The following RAB27B variants were observed in gnomAD, a reference collection of about 807,000 sequenced individuals.
RAB27B encodes the protein RAB27B, member RAS oncogene family.
Under a neutral mutation model 24.6 loss-of-function variants are expected in RAB27B, and 15 were observed. That is an observed-to-expected ratio of 0.61 (90% CI 0.41 to 0.94). The LOEUF is 0.94. Among genes scored for constraint, RAB27B ranks in the 40% least tolerant of loss-of-function variants. The pLI is 0.00. For synonymous variants in RAB27B, 105 were observed against 92.5 expected (o/e 1.14, Z -0.78); for missense variants, 261 against 266.8 (o/e 0.98, Z 0.15).
intron 2 of RAB27B, among the ~76,000 whole-genome samples, chr18:54,777,896 C>T (rs951131278): frequency 1.3e-5 from 2 of 148,970 alleles, no homozygotes; most frequent in African/African-American, 4.9e-5. Context: ...TCTCTTCTTC[C>T]TTTGCTCTTA....
At chr18:54,763,742 CCTTA>C (rs756410153) in intron 2 of RAB27B, among the ~76,000 whole-genome samples, 13 of 152,110 alleles carry the variant, frequency 8.5e-5, no homozygotes, top group Non-Finnish European at 1.3e-4. Context: ...AATCCCTGTG[CCTTA>C]CTTGTTTCTC....
chr18:54,731,574 G>A (rs963703046), intron 2 of RAB27B, among the ~76,000 whole-genome samples: 4 of 152,166 alleles, frequency 2.6e-5, no homozygotes, highest in East Asian at 1.9e-4. Flanking sequence ...TACAAAATTA[G>A]CCAGGTGTGG....
intron 2 of RAB27B, among the ~76,000 whole-genome samples, chr18:54,789,442 ATAT>A (rs1909184277): frequency 6.6e-6 from 1 of 152,134 alleles, no homozygotes. Flanking sequence ...TGTTTAGATA[ATAT>A]TGTCCCAATA....
At chr18:54,872,483 G>A (rs1912512188) in intron 1 of RAB27B, among the ~76,000 whole-genome samples, 1 of 151,956 alleles carries the variant, frequency 6.6e-6, no homozygotes, top group Non-Finnish European at 1.5e-5. Flanking sequence ...AAATTAGCCA[G>A]GCATGGTGGT....
chr18:54,734,827 C>A (rs1290234131), intron 2 of RAB27B, among the ~76,000 whole-genome samples: 4 of 152,244 alleles, frequency 2.6e-5, no homozygotes, highest in Middle Eastern at 3.4e-3. Context: ...GAACAAATTT[C>A]TCAAGTGCCC....
intron 2 of RAB27B, among the ~76,000 whole-genome samples, chr18:54,815,807 A>G (rs994833739): frequency 6.6e-6 from 1 of 152,178 alleles, no homozygotes; most frequent in South Asian, 2.1e-4. Context: ...TATTTTTAGT[A>G]TAGACGGGGT....
At chr18:54,791,758 A>AT (rs1389797783) in intron 2 of RAB27B, among the ~76,000 whole-genome samples, 3 of 152,222 alleles carry the variant, frequency 2.0e-5, no homozygotes, top group Non-Finnish European at 4.4e-5. Context: ...CAAGAGGAGC[A>AT]TATCAGCAGA....
intron 2 of RAB27B, among the ~76,000 whole-genome samples, chr18:54,767,967 A>G (rs998333409): frequency 7.2e-5 from 11 of 152,156 alleles, no homozygotes; most frequent in African/African-American, 2.7e-4. Flanking sequence ...ATAGTAATAA[A>G]TAAGAGATAG....
chr18:54,882,329 G>A (rs921737973), intron 3 of RAB27B, among the ~76,000 whole-genome samples: 12 of 151,952 alleles, frequency 7.9e-5, no homozygotes, highest in Non-Finnish European at 1.6e-4. Context: ...CAAATATTTA[G>A]TGAGCAAATA....
At chr18:54,723,159 G>C (rs1909414967) in intron 2 of RAB27B, among the ~76,000 whole-genome samples, 1 of 152,222 alleles carries the variant, frequency 6.6e-6, no homozygotes, top group South Asian at 2.1e-4. Context: ...AACCAGGAAA[G>C]AGCAAAGGCT....
intron 1 of RAB27B, among the ~76,000 whole-genome samples, chr18:54,867,462 T>TTC (rs1912285345): frequency 6.8e-6 from 1 of 148,016 alleles, no homozygotes; most frequent in African/African-American, 2.5e-5. Flanking sequence ...TTTTTTTTTT[T>TTC]CTGAGATGGA....
intron 2 of RAB27B, among the ~76,000 whole-genome samples, chr18:54,729,426 T>TAG (rs1291622631): frequency 6.6e-6 from 1 of 152,178 alleles, no homozygotes; most frequent in Non-Finnish European, 1.5e-5. Context: ...GAAAGGAGCC[T>TAG]ACATCCTCAA....
At chr18:54,761,650 C>T (rs1194736808) in intron 2 of RAB27B, among the ~76,000 whole-genome samples, 1 of 152,196 alleles carries the variant, frequency 6.6e-6, no homozygotes, top group African/African-American at 2.4e-5. Context: ...CAATGCTTCT[C>T]TTATTTCTAA....
At chr18:54,855,494 G>A (rs1020777348) in intron 1 of RAB27B, among the ~76,000 whole-genome samples, 8 of 152,186 alleles carry the variant, frequency 5.3e-5, no homozygotes, top group Non-Finnish European at 1.2e-4. Flanking sequence ...AGCAGCCTTG[G>A]ATACAAGATA....
intron 2 of RAB27B, among the ~76,000 whole-genome samples, chr18:54,725,488 A>G (rs1909504007): frequency 6.6e-6 from 1 of 151,510 alleles, no homozygotes; most frequent in African/African-American, 2.4e-5. Context: ...TTAAAAGGTA[A>G]TGTTTGTTGC....
chr18:54,751,077 C>T lies in RAB27B; in HGVS notation c.-20+32936C>T, dbSNP rs1907815264. Among the ~76,000 whole-genome samples the T allele has an allele frequency of 1.3e-5, 2 of 152,164 alleles. 1 individual carries two copies. The highest frequency in any genetic ancestry group is 4.1e-4 in the South Asian group (2 of 4,826). On this transcript the variant is annotated intron_variant, in intron 2 of 4. Coordinates refer to the RAB27B transcript ENST00000586570. The stretch of plus-strand genomic sequence containing the variant: ...AGGACTTTATCCTGCCCTCGAGAGA[C>T]ACTGAAGTTAAGAGGGCAGTCAGAC...
At chr18:54,775,230 A>G (rs1415557597) in intron 2 of RAB27B, among the ~76,000 whole-genome samples, 1 of 152,220 alleles carries the variant, frequency 6.6e-6, no homozygotes, top group Non-Finnish European at 1.5e-5. Context: ...TGTAAGGCCC[A>G]GAAACAATGT....
intron 2 of RAB27B, among the ~76,000 whole-genome samples, chr18:54,782,803 T>G (rs12969078): frequency 1.3e-5 from 2 of 152,262 alleles, no homozygotes; most frequent in Non-Finnish European, 2.9e-5. Context: ...CATTTGTAAC[T>G]GAAAATATAC....
chr18:54,746,587 G>A (rs1910256056), intron 2 of RAB27B, among the ~76,000 whole-genome samples: 1 of 152,102 alleles, frequency 6.6e-6, no homozygotes, highest in Admixed American at 6.5e-5. Flanking sequence ...GTCTTTGGAG[G>A]CATTCAAGCT....
Sources: allele counts gnomAD v4.1 joint callset (sites outside exome capture counted in the v4.1 genomes callset), GRCh38; gene constraint gnomAD v4.1.1; transcripts MANE v1.5; gene names NCBI Gene and HGNC (gene_info 2026-07-23, HGNC 2026-07-21).